Variants in TMOD3 observed in about 807,000 individuals in gnomAD.
TMOD3 encodes the protein tropomodulin-3.
In TMOD3, 20 loss-of-function variants were observed where a neutral mutation model predicts 39.2. The observed-to-expected ratio is 0.51, with a 90% CI of 0.36 to 0.74. The LOEUF (loss-of-function observed/expected upper bound fraction) is 0.74, where lower values mean the gene tolerates loss of function less well. Ranked by LOEUF, TMOD3 falls within the 30% of genes least tolerant of loss-of-function variation. The probability of loss-of-function intolerance (pLI) is 0.00; values close to 1 mark genes in which losing one functional copy is unlikely to be tolerated. For missense variants in TMOD3, 381 were observed against 412.8 expected (o/e 0.92, Z 0.67); for synonymous variants, 143 against 145.8 (o/e 0.98, Z 0.14).
At chr15:51,829,895 A>C (rs1595886770) in intron 1 of TMOD3, 59 bp downstream of exon 1, 2 of 152,194 alleles carry the variant, frequency 1.3e-5, no homozygotes, top group Admixed American at 1.3e-4. Flanking sequence ...AGGGAGTCGC[A>C]CCGGCCATGG....
At chr15:51,869,484 A>G (rs1385268104) in intron 3 of TMOD3, 111 bp downstream of exon 3, 2 of 1,001,464 alleles carry the variant, frequency 2.0e-6, no homozygotes, top group Non-Finnish European at 3.0e-6. Flanking sequence ...AGCCTTAAAT[A>G]TATGATACTG....
In TMOD3 at chr15:51,908,779, G is replaced by A. The variant is rs747220326; in HGVS notation, c.1028G>A (p.Arg343His). 1.6e-5 allele frequency: 25 copies of A among 1,606,496 alleles called. No homozygotes were observed. Among genetic ancestry groups the A allele is most frequent in the East Asian group, 2.2e-5 (1 of 44,642 alleles). ...GTTTCTTTTATTTTTCTCATAGTGC[G>A]TAAGAGACGAGTTGAAGGAGATCAC... ...NAITKNNDLV[R>H]KRRVEGDHQ The change falls in exon 10 of 10, where the codon CGT (arginine) becomes CAT (histidine). Residue 343 changes from arginine to histidine, a missense_variant. Physicochemically the swap from Arg to His is conservative, Grantham distance 29 (BLOSUM62 0). Transcript: ENST00000308580.
intron 9 of TMOD3, among the ~76,000 whole-genome samples, chr15:51,907,515 G>GT (rs2056688127): frequency 6.6e-6 from 1 of 152,234 alleles, no homozygotes; most frequent in African/African-American, 2.4e-5. Context: ...GAAGTCAGCA[G>GT]TCAGAAGAGC....
intron 1 of TMOD3, among the ~76,000 whole-genome samples, chr15:51,836,570 C>A (rs1223310969): frequency 1.3e-5 from 2 of 151,742 alleles, no homozygotes; most frequent in Non-Finnish European, 2.9e-5. Context: ...ACTAAAAATA[C>A]AAAAATTAGC....
chr15:51,903,515 G>T (rs947085297), intron 9 of TMOD3, among the ~76,000 whole-genome samples: 1 of 152,198 alleles, frequency 6.6e-6, no homozygotes, highest in Non-Finnish European at 1.5e-5. Flanking sequence ...TCCAGATCAC[G>T]TGGAAAATAT....
chr15:51,881,064 A>C (rs146279563), intron 3 of TMOD3, among the ~76,000 whole-genome samples: 1 of 152,176 alleles, frequency 6.6e-6, no homozygotes, highest in Admixed American at 6.5e-5. Context: ...ATAACTAATG[A>C]TACTGAGTAT....
intron 3 of TMOD3, among the ~76,000 whole-genome samples, chr15:51,881,622 C>T (rs2056535059): frequency 8.0e-6 from 1 of 124,532 alleles, no homozygotes; most frequent in African/African-American, 3.2e-5. Context: ...AGTGCAATGG[C>T]ACAATCTCGG....
intron 2 of TMOD3, among the ~76,000 whole-genome samples, chr15:51,867,881 A>G (rs2056454880): frequency 6.6e-6 from 1 of 152,222 alleles, no homozygotes; most frequent in South Asian, 2.1e-4. Context: ...AAGGGACTAC[A>G]GGAGACAACT....
intron 1 of TMOD3, among the ~76,000 whole-genome samples, chr15:51,856,964 A>G (rs2056390893): frequency 6.6e-6 from 1 of 152,220 alleles, no homozygotes; most frequent in African/African-American, 2.4e-5. Flanking sequence ...ACCAGGAAAT[A>G]GGTAACAAGA....
At chr15:51,836,509 G>A (rs1409693100) in intron 1 of TMOD3, among the ~76,000 whole-genome samples, 4 of 151,884 alleles carry the variant, frequency 2.6e-5, no homozygotes, top group African/African-American at 7.3e-5. Flanking sequence ...GGTGGATCAC[G>A]AGGTCAGGAG....
intron 3 of TMOD3, among the ~76,000 whole-genome samples, chr15:51,879,006 T>G (rs1413906021): frequency 6.6e-6 from 1 of 152,202 alleles, no homozygotes; most frequent in Non-Finnish European, 1.5e-5. Flanking sequence ...AGCTGTAACT[T>G]GGTATCAGAG....
intron 9 of TMOD3, among the ~76,000 whole-genome samples, chr15:51,906,638 A>G (rs867797520): frequency 2.0e-5 from 3 of 152,170 alleles, no homozygotes; most frequent in African/African-American, 7.2e-5. Context: ...GATCTTTTCT[A>G]TAACATGCAT....
At chr15:51,853,203 ATTGT>A (rs1403020307) in intron 1 of TMOD3, among the ~76,000 whole-genome samples, 1 of 152,200 alleles carries the variant, frequency 6.6e-6, no homozygotes, top group Admixed American at 6.5e-5. Context: ...TGCCTTCTTT[ATTGT>A]TTGTTTATTT....
chr15:51,858,757 G>A (rs2056400955), intron 1 of TMOD3, among the ~76,000 whole-genome samples: 1 of 152,160 alleles, frequency 6.6e-6, no homozygotes, highest in South Asian at 2.1e-4. Context: ...CTTGAACTGG[G>A]ATAATAAGTA....
chr15:51,830,159 G>A (rs1009029989), intron 1 of TMOD3, among the ~76,000 whole-genome samples: 2 of 152,126 alleles, frequency 1.3e-5, no homozygotes, highest in African/African-American at 4.8e-5. Flanking sequence ...GGCCGAGCTG[G>A]CTCCCTGCAC....
intron 3 of TMOD3, among the ~76,000 whole-genome samples, chr15:51,877,672 C>G (rs1312043071): frequency 1.3e-5 from 2 of 148,712 alleles, no homozygotes; most frequent in African/African-American, 5.0e-5. Context: ...GAGAGCAAAA[C>G]TCTGTCTTAA....
At chr15:51,836,211 AACTGTAGAACCATCACC>A (rs1170977806) in intron 1 of TMOD3, among the ~76,000 whole-genome samples, 2 of 152,156 alleles carry the variant, frequency 1.3e-5, no homozygotes, top group African/African-American at 4.8e-5. Flanking sequence ...CTACATTCAG[AACTGTAGAACCATCACC>A]ACCATTTTAG....
chr15:51,875,611 CTT>C (rs34898032), intron 3 of TMOD3, among the ~76,000 whole-genome samples: 5 of 116,080 alleles, frequency 4.3e-5, no homozygotes, highest in East Asian at 2.4e-4. Flanking sequence ...AAAGTACTGC[CTT>C]TTTTTTTTTT....
At chr15:51,880,055 TTGATA>T (rs1192644288) in intron 3 of TMOD3, among the ~76,000 whole-genome samples, 1 of 152,146 alleles carries the variant, frequency 6.6e-6, no homozygotes, top group Non-Finnish European at 1.5e-5. Context: ...CTAATTGATA[TTGATA>T]TAAGACTAAT....
Sources: gnomAD v4.1 joint callset for allele counts (sites outside exome capture counted in the v4.1 genomes callset) on GRCh38, gnomAD v4.1.1 for gene constraint, MANE v1.5 for transcripts, NCBI Gene and HGNC (gene_info 2026-07-23, HGNC 2026-07-21) for gene names.